SLC36A1: variants seen among roughly 807,000 people sequenced by gnomAD.
SLC36A1 encodes proton-coupled amino acid transporter 1.
In SLC36A1, 30 loss-of-function variants were observed where a neutral mutation model predicts 47.5. That is an observed-to-expected ratio of 0.63 (90% CI 0.47 to 0.86). The LOEUF (loss-of-function observed/expected upper bound fraction) is 0.86. SLC36A1 is among the 40% of genes least tolerant of loss of function. SLC36A1 has a pLI of 0.00. For synonymous variants in SLC36A1, 255 were observed against 249.7 expected, an observed-to-expected ratio of 1.02 and a Z score of -0.20; for missense variants, 517 against 606.0, an observed-to-expected ratio of 0.85 and a Z score of 1.54.
At chr5:151,543,047 G>A in the SLC36A1 span, 26 of 1,614,066 alleles carry the variant, frequency 1.6e-5, no homozygotes, top group Admixed American at 1.0e-4. Context: ...GTATACAAAG[G>A]TTCAGAAAAT....
At chr5:151,548,840 C>T in the SLC36A1 span, among the ~76,000 whole-genome samples, 75 of 152,212 alleles carry the variant, frequency 4.9e-4, 1 homozygote, top group Middle Eastern at 0.017. Flanking sequence ...AGATTATTCC[C>T]GTTTTTGAGA....
the SLC36A1 span, among the ~76,000 whole-genome samples, chr5:151,397,764 C>CAAAA: frequency 1.1e-4 from 5 of 44,306 alleles, no homozygotes; most frequent in African/African-American, 2.7e-4. Flanking sequence ...AACTCCAACT[C>CAAAA]AAAAAAAAAA....
chr5:151,522,191 C>T, the SLC36A1 span: 5 of 868,320 alleles, frequency 5.8e-6, no homozygotes, highest in East Asian at 1.3e-4. Flanking sequence ...GCCCCACGCC[C>T]AACTTGAGGG....
At chr5:151,536,000 A>T in the SLC36A1 span, among the ~76,000 whole-genome samples, 1 of 152,206 alleles carries the variant, frequency 6.6e-6, no homozygotes, top group Admixed American at 6.5e-5. Context: ...GCTTTGAGAT[A>T]CTGCTGAGTG....
chr5:151,356,772 G>A, the SLC36A1 span, among the ~76,000 whole-genome samples: 2 of 152,162 alleles, frequency 1.3e-5, no homozygotes, highest in Non-Finnish European at 2.9e-5. Flanking sequence ...TAAATTCAGT[G>A]AAGAACATGC....
chr5:151,538,450 C>G, the SLC36A1 span, among the ~76,000 whole-genome samples: 1 of 152,202 alleles, frequency 6.6e-6, no homozygotes, highest in Non-Finnish European at 1.5e-5. Flanking sequence ...ACCTTTGAGT[C>G]AGGTCTGGAC....
At chr5:151,548,881 A>G in the SLC36A1 span, among the ~76,000 whole-genome samples, 1 of 152,256 alleles carries the variant, frequency 6.6e-6, no homozygotes, top group East Asian at 1.9e-4. Flanking sequence ...ATAAACCCAT[A>G]AAATAGATAC....
At chr5:151,542,789 A>T in the SLC36A1 span, 1 of 1,614,220 alleles carries the variant, frequency 6.2e-7, no homozygotes, top group Non-Finnish European at 8.5e-7. Flanking sequence ...ACAGAGACCA[A>T]GGACACCACA....
chr5:151,354,507 T>C, the SLC36A1 span, among the ~76,000 whole-genome samples: 3 of 152,198 alleles, frequency 2.0e-5, no homozygotes, highest in African/African-American at 7.2e-5. Context: ...CTGTGTTTCA[T>C]GCATGCACAA....
the SLC36A1 span, among the ~76,000 whole-genome samples, chr5:151,393,110 G>T: frequency 5.3e-5 from 8 of 151,018 alleles, 1 homozygote; most frequent in Admixed American, 2.6e-4. Context: ...TATGTATTTA[G>T]GATAGTTAGC....
intron 1 of SLC36A1, among the ~76,000 whole-genome samples, chr5:151,451,831 C>G (rs1461599386): frequency 1.3e-5 from 2 of 152,110 alleles, no homozygotes; most frequent in Non-Finnish European, 2.9e-5. Flanking sequence ...GCCCCAGGCT[C>G]TGGGGCCAGC....
the SLC36A1 span, chr5:151,505,323 T>C: frequency 1.1e-3 from 597 of 567,778 alleles, no homozygotes; most frequent in Non-Finnish European, 1.5e-3. Flanking sequence ...CCAGGGTCAC[T>C]GCTCTAGAAA....
At chr5:151,374,742 A>G in the SLC36A1 span, among the ~76,000 whole-genome samples, 2 of 152,246 alleles carry the variant, frequency 1.3e-5, no homozygotes, top group South Asian at 4.1e-4. Context: ...AACATCTGTT[A>G]TATTTTGATT....
chr5:151,419,564 G>A, the SLC36A1 span, among the ~76,000 whole-genome samples: 1 of 152,178 alleles, frequency 6.6e-6, no homozygotes, highest in Non-Finnish European at 1.5e-5. Flanking sequence ...AGTTTCTTTA[G>A]GGCAGTGGTT....
At chr5:151,546,175 T>C in the SLC36A1 span, 1 of 1,614,176 alleles carries the variant, frequency 6.2e-7, no homozygotes, top group Non-Finnish European at 8.5e-7. Context: ...ATCTGAGGGA[T>C]AGACATGAAT....
chr5:151,537,327 AAG>A, the SLC36A1 span, among the ~76,000 whole-genome samples: 5 of 2,650 alleles, frequency 1.9e-3, no homozygotes, highest in Admixed American at 7.9e-3. Flanking sequence ...AAGAGAAAAA[AAG>A]AAAGAAAAGA....
chr5:151,529,609 T>C, the SLC36A1 span, among the ~76,000 whole-genome samples: 4 of 152,214 alleles, frequency 2.6e-5, no homozygotes, highest in Non-Finnish European at 5.9e-5. Context: ...AACAGCTATG[T>C]TTCCCTCACT....
At chr5:151,380,748 C>T in the SLC36A1 span, 1 of 541,758 alleles carries the variant, frequency 1.8e-6, no homozygotes, top group Admixed American at 1.9e-5. Context: ...AAGTGGGAAG[C>T]CCCTTGCAGA....
chr5:151,433,587 G>A (rs1437820087), upstream of SLC36A1, among the ~76,000 whole-genome samples: 19 of 151,524 alleles, frequency 1.3e-4, no homozygotes, highest in African/African-American at 2.2e-4. Flanking sequence ...CACCACGCCC[G>A]GCCTGAATAA....
Sources: gnomAD v4.1 joint callset for allele counts (sites outside exome capture counted in the v4.1 genomes callset) on GRCh38, gnomAD v4.1.1 for gene constraint, MANE v1.5 for transcripts, NCBI Gene and HGNC (gene_info 2026-07-23, HGNC 2026-07-21) for gene names.